Variants in GOLIM4 observed in about 807,000 individuals in gnomAD.
GOLIM4 encodes the protein golgi integral membrane protein 4, also known as 130 kDa golgi-localized phosphoprotein.
In GOLIM4, 71 loss-of-function variants were observed where a neutral mutation model predicts 107.4. The observed-to-expected ratio is 0.66, with a 90% CI of 0.55 to 0.81. The LOEUF (loss-of-function observed/expected upper bound fraction) is 0.81. Ranked by LOEUF, GOLIM4 falls within the 30% of genes least tolerant of loss-of-function variation. The probability of loss-of-function intolerance (pLI) is 0.00; values close to 1 mark genes in which losing one functional copy is unlikely to be tolerated. For synonymous variants in GOLIM4, 327 were observed against 294.8 expected (o/e 1.11, Z -1.12); for missense variants, 830 against 826.1 (o/e 1.00, Z -0.06).
chr3:168,049,911 C>T (rs1407632786), intron 1 of GOLIM4, among the ~76,000 whole-genome samples: 1 of 152,178 alleles, frequency 6.6e-6, no homozygotes. Flanking sequence ...CATCTACTAT[C>T]ACGATAGACC....
chr3:168,029,583 C>G (rs1298682564), intron 10 of GOLIM4, among the ~76,000 whole-genome samples, 197 bp downstream of exon 10: 8 of 152,128 alleles, frequency 5.3e-5, no homozygotes, highest in Non-Finnish European at 1.0e-4. Context: ...TAACCTACCA[C>G]TTTTGAGCAG....
intron 1 of GOLIM4, among the ~76,000 whole-genome samples, chr3:168,089,144 A>G (rs933029526): frequency 1.3e-5 from 2 of 152,236 alleles, no homozygotes; most frequent in African/African-American, 4.8e-5. Context: ...TATTCAGGGA[A>G]GGAATTTACA....
intron 1 of GOLIM4, among the ~76,000 whole-genome samples, chr3:168,079,935 CTT>C (rs1184592023): frequency 6.6e-6 from 1 of 151,962 alleles, no homozygotes; most frequent in Non-Finnish European, 1.5e-5. Context: ...AAAAAAAAAT[CTT>C]TGTCATGAAT....
intron 1 of GOLIM4, among the ~76,000 whole-genome samples, chr3:168,050,536 A>G (rs1719560195): frequency 6.6e-6 from 1 of 152,090 alleles, no homozygotes; most frequent in African/African-American, 2.4e-5. Context: ...ATGATAAAAC[A>G]GAGGCAAGAA....
chr3:168,027,510 TC>T (rs1249130549), intron 12 of GOLIM4, among the ~76,000 whole-genome samples: 2 of 150,558 alleles, frequency 1.3e-5, no homozygotes, highest in African/African-American at 4.9e-5. Flanking sequence ...TTTTTTTTTT[TC>T]CCCCAGAGCA....
At chr3:168,012,326 A>G (rs187794860) in intron 14 of GOLIM4, among the ~76,000 whole-genome samples, 18,366 of 118,982 alleles carry the variant, frequency 0.15, 3,681 homozygotes, top group African/African-American at 0.57. Context: ...AAGCGAGAAG[A>G]GAAGTTTAGA....
At chr3:168,035,582 G>A (rs1461311141) in intron 8 of GOLIM4, among the ~76,000 whole-genome samples, 2 of 152,182 alleles carry the variant, frequency 1.3e-5, no homozygotes, top group African/African-American at 2.4e-5. Context: ...TCACTTATAA[G>A]TGGGAGCTAA....
At chr3:168,055,852 T>C (rs2108262570) in intron 1 of GOLIM4, among the ~76,000 whole-genome samples, 1 of 149,732 alleles carries the variant, frequency 6.7e-6, no homozygotes, top group Non-Finnish European at 1.5e-5. Context: ...GCATTCAGTA[T>C]TAAAAGGGAA....
intron 8 of GOLIM4, among the ~76,000 whole-genome samples, chr3:168,034,526 T>C (rs1473476866): frequency 6.6e-6 from 1 of 152,250 alleles, no homozygotes; most frequent in South Asian, 2.1e-4. Context: ...AAGAGGCTCA[T>C]ATATGAAGTC....
chr3:168,082,179 A>G (rs1721404990), intron 1 of GOLIM4, among the ~76,000 whole-genome samples: 1 of 152,186 alleles, frequency 6.6e-6, no homozygotes, highest in Admixed American at 6.5e-5. Context: ...AAATTGACAT[A>G]TATCTTCAGG....
At chr3:168,094,664 ACT>A (rs1206852671) in intron 1 of GOLIM4, among the ~76,000 whole-genome samples, 2 of 152,176 alleles carry the variant, frequency 1.3e-5, no homozygotes, top group African/African-American at 4.8e-5. Context: ...TCTCTGCCAA[ACT>A]CTTCATTTTT....
chr3:168,050,513 T>C (rs1041749443), intron 1 of GOLIM4, among the ~76,000 whole-genome samples: 1 of 151,698 alleles, frequency 6.6e-6, no homozygotes, highest in Non-Finnish European at 1.5e-5. Flanking sequence ...AAGAGCTAAA[T>C]TACAATACTA....
intron 3 of GOLIM4, among the ~76,000 whole-genome samples, chr3:168,045,556 G>A (rs1719251375): frequency 6.6e-6 from 1 of 152,014 alleles, no homozygotes; most frequent in South Asian, 2.1e-4. Flanking sequence ...TTCCTGTGGG[G>A]TATCTTCACA....
chr3:168,068,818 A>T (rs372596302), intron 1 of GOLIM4, among the ~76,000 whole-genome samples: 34 of 138,416 alleles, frequency 2.5e-4, no homozygotes, highest in African/African-American at 2.0e-4. Flanking sequence ...CTGCACTTTA[A>T]TTTATTTTAT....
At chr3:168,037,045 T>C in intron 7 of GOLIM4, 51 bp from the exon 8 acceptor site, 1 of 1,353,864 alleles carries the variant, frequency 7.4e-7, no homozygotes, top group East Asian at 2.3e-5. Context: ...TGCCCATTCA[T>C]AGATGGGCAT....
In GOLIM4 at chr3:168,010,190, A is replaced by G. The variant is rs1242868447; in HGVS notation, c.*79T>C. On this transcript the variant is annotated 3_prime_UTR_variant, in exon 16 of 16. Coordinates refer to ENST00000470487, the MANE Select transcript of GOLIM4 (RefSeq NM_014498.5). ...CTTAATTTTTGTAATTAAATATCCTAGAGTTCAGTAGGCAGATTTATGTTT... is the reference window on the plus strand; with the variant it reads ...CTTAATTTTTGTAATTAAATATCCTGGAGTTCAGTAGGCAGATTTATGTTT... The G allele has an allele frequency of 1.6e-6, 2 of 1,274,410 alleles. No individual in the cohort carries two copies. The highest frequency in any genetic ancestry group is 1.1e-6 in the Non-Finnish European group (1 of 923,994). 78.9% of individuals were successfully genotyped at this position (1,274,410 alleles called of 1,614,324 possible). A position where few individuals can be genotyped will look rare whatever the true frequency, so the allele number is the denominator to read the frequency against.
chr3:168,034,356 C>T (rs1015810666), intron 8 of GOLIM4, among the ~76,000 whole-genome samples: 1 of 152,190 alleles, frequency 6.6e-6, no homozygotes, highest in Non-Finnish European at 1.5e-5. Flanking sequence ...GAAGATTAAT[C>T]CAGTAAACTG....
intron 7 of GOLIM4, among the ~76,000 whole-genome samples, chr3:168,038,386 G>C (rs886681384): frequency 2.0e-5 from 3 of 152,106 alleles, no homozygotes; most frequent in Non-Finnish European, 4.4e-5. Context: ...TAAAAATGTA[G>C]GCTCCTGGTC....
At chr3:168,083,590 T>C (rs1721478028) in intron 1 of GOLIM4, among the ~76,000 whole-genome samples, 1 of 152,190 alleles carries the variant, frequency 6.6e-6, no homozygotes, top group Admixed American at 6.5e-5. Context: ...TCCAATTTAA[T>C]GGTAAGTCAC....
Sources: allele counts gnomAD v4.1 joint callset (sites outside exome capture counted in the v4.1 genomes callset), GRCh38; gene constraint gnomAD v4.1.1; transcripts MANE v1.5; gene names NCBI Gene and HGNC (gene_info 2026-07-23, HGNC 2026-07-21).